FRMPD4: variants seen among roughly 807,000 people sequenced by gnomAD.
FRMPD4 encodes FERM and PDZ domain-containing protein 4.
In FRMPD4, 22 loss-of-function variants were observed where a neutral mutation model predicts 94.1. The observed-to-expected ratio is 0.23, with a 90% CI of 0.17 to 0.33. The LOEUF is 0.33. Ranked by LOEUF, FRMPD4 falls within the 10% of genes least tolerant of loss-of-function variation. FRMPD4 has a pLI of 1.00. For missense variants in FRMPD4, 1,111 were observed against 1,339.9 expected (o/e 0.83, Z 2.67); for synonymous variants, 631 against 548.6 (o/e 1.15, Z -2.10).
intron 1 of FRMPD4, among the ~76,000 whole-genome samples, chrX:12,388,402 C>T (rs931607506): frequency 2.7e-5 from 3 of 110,642 alleles, no homozygotes; most frequent in Admixed American, 1.9e-4. Flanking sequence ...GTCAGGAGTT[C>T]GAGACCAGCC....
intron 3 of FRMPD4, among the ~76,000 whole-genome samples, chrX:11,934,858 A>C (rs1417013776): frequency 6.3e-5 from 7 of 110,523 alleles, no homozygotes; most frequent in Admixed American, 9.7e-5. Flanking sequence ...TATTCAAGAC[A>C]AGATCGTTTT....
chrX:12,597,279 AATAAAC>A (rs1303667651), intron 2 of FRMPD4, among the ~76,000 whole-genome samples: 1 of 112,769 alleles, frequency 8.9e-6, no homozygotes, highest in Non-Finnish European at 1.9e-5. Context: ...AAGCACGGTC[AATAAAC>A]ATTTTGCCAG....
intron 3 of FRMPD4, among the ~76,000 whole-genome samples, chrX:11,883,764 A>G (rs1389964133): frequency 1.8e-5 from 2 of 112,189 alleles, no homozygotes; most frequent in African/African-American, 3.2e-5. Context: ...CAAAGGGCAT[A>G]TGGTTTGAAA....
chrX:12,171,805 AC>A (rs1380227817), intron 1 of FRMPD4, among the ~76,000 whole-genome samples: 3 of 112,000 alleles, frequency 2.7e-5, no homozygotes, highest in Non-Finnish European at 5.6e-5. Flanking sequence ...ATCAACGGCT[AC>A]CAGAGACTTG....
At position 12,717,893 on chromosome X, in the gene FRMPD4, T is replaced by C. The variant is rs143929343; in HGVS notation, c.3067T>C (p.Cys1023Arg). 200 of 1,210,161 alleles carry C rather than the reference T, an allele frequency of 1.7e-4. No homozygotes were observed. Among genetic ancestry groups the C allele is most frequent in the Non-Finnish European group, 2.2e-4 (196 of 895,093 alleles). Residue 1023 changes from cysteine to arginine, a missense_variant, in exon 16 of 17, where the codon TGC (cysteine) becomes CGC (arginine). Cys to Arg is a radical substitution (Grantham distance 180, BLOSUM62 -3). Coordinates refer to ENST00000675598, the MANE Select transcript of FRMPD4 (RefSeq NM_001368397.1). ...GCACATGGGGTCGGTGGCATACTCC[T>C]GCACTAGCAAAAGGAAAAGCAAGCT... is the stretch of plus-strand genomic sequence containing the variant. ...KLHMGSVAYS[C>R]TSKRKSKLAD... is the part of the protein sequence containing the mutation.
At chrX:12,490,092 C>G (rs2057777386) in intron 1 of FRMPD4, among the ~76,000 whole-genome samples, 1 of 111,400 alleles carries the variant, frequency 9.0e-6, no homozygotes, top group South Asian at 3.8e-4. Context: ...AGAAATAGAG[C>G]TCTCAGACTA....
chrX:11,870,663 G>C (rs746046110), intron 2 of FRMPD4, among the ~76,000 whole-genome samples: 2 of 111,636 alleles, frequency 1.8e-5, no homozygotes, highest in South Asian at 7.7e-4. Context: ...TTGGGATATA[G>C]AATGGGAGGA....
intron 1 of FRMPD4, among the ~76,000 whole-genome samples, chrX:12,151,885 A>T (rs2055856255): frequency 8.9e-6 from 1 of 112,115 alleles, no homozygotes; most frequent in Admixed American, 9.5e-5. Flanking sequence ...TTTGGATTTC[A>T]TGGGCAGATT....
At chrX:12,663,454 C>T (rs2059739966) in intron 4 of FRMPD4, among the ~76,000 whole-genome samples, 1 of 112,141 alleles carries the variant, frequency 8.9e-6, no homozygotes, top group Admixed American at 9.4e-5. Flanking sequence ...ATAGGGAATC[C>T]TTTCCCCATT....
intron 1 of FRMPD4, among the ~76,000 whole-genome samples, chrX:12,236,421 C>T (rs780554348): frequency 7.9e-4 from 88 of 111,307 alleles, no homozygotes; most frequent in African/African-American, 2.4e-3. Flanking sequence ...TGGGAGAGTT[C>T]GGGATCAAAT....
intron 1 of FRMPD4, among the ~76,000 whole-genome samples, chrX:12,376,557 C>T (rs1270021106): frequency 8.9e-6 from 1 of 112,407 alleles, no homozygotes; most frequent in Non-Finnish European, 1.9e-5. Context: ...AACCAGATTT[C>T]CCATTGACTC....
chrX:12,335,047 T>C (rs1166034739), intron 1 of FRMPD4, among the ~76,000 whole-genome samples: 1 of 111,274 alleles, frequency 9.0e-6, no homozygotes, highest in Non-Finnish European at 1.9e-5. Context: ...ACTCAAGGAG[T>C]TGTTGGTTTC....
intron 3 of FRMPD4, among the ~76,000 whole-genome samples, chrX:11,991,683 A>G (rs1034112301): frequency 1.8e-5 from 2 of 112,153 alleles, no homozygotes; most frequent in African/African-American, 6.5e-5. Context: ...TGCTTTGAGC[A>G]GTAGGATAAC....
chrX:11,833,783 T>C (rs1268153169), intron 1 of FRMPD4, among the ~76,000 whole-genome samples: 1 of 111,725 alleles, frequency 9.0e-6, no homozygotes, highest in Non-Finnish European at 1.9e-5. Context: ...TTGGAGCATG[T>C]GATTGAGCTC....
intron 5 of FRMPD4, among the ~76,000 whole-genome samples, chrX:12,680,506 A>G (rs2059959872): frequency 8.9e-6 from 1 of 112,516 alleles, no homozygotes; most frequent in South Asian, 3.7e-4. Context: ...ATTCTCATTA[A>G]GTAGCCTTCA....
chrX:11,895,263 C>T lies in FRMPD4; in HGVS notation c.95+17245C>T, dbSNP rs187930136. On this transcript the variant is annotated intron_variant, in intron 3 of 18. Transcript: ENST00000640291. ...ACTAGATGCCAGTAGCAAGTTACAACGCCATCAAGTTGTAACAACAAAGAT... is the reference window on the plus strand; with the variant it reads ...ACTAGATGCCAGTAGCAAGTTACAATGCCATCAAGTTGTAACAACAAAGAT... 4.3e-4 allele frequency among the ~76,000 whole-genome samples: 48 copies of T among 111,651 alleles called. No individual in the cohort carries two copies. The East Asian group carries it at 4.5e-3, about 10-fold the overall frequency.
rs2042088903 is a variant in FRMPD4, at chrX:12,716,615, T to C, written c.2156T>C (p.Ile719Thr). 11 of 1,211,405 alleles carry C rather than the reference T, an allele frequency of 9.1e-6. No homozygotes were observed. Among genetic ancestry groups the C allele is most frequent in the Non-Finnish European group, 1.2e-5 (11 of 895,248 alleles). Reference protein sequence around the residue: ...QFVENSVYANIGDVKSFQAAE... With the variant: ...QFVENSVYANTGDVKSFQAAE... The stretch of plus-strand genomic sequence containing the variant: ...GTGGAAAATTCTGTTTATGCAAACA[T>C]AGGCGATGTGAAGAGCTTCCAGGCC... Residue 719 changes from isoleucine to threonine, a missense_variant, in exon 15 of 17, where the codon ATA (isoleucine) becomes ACA (threonine). By Grantham distance (89) the Ile-to-Thr change is moderately conservative (BLOSUM62 -1). Coordinates refer to ENST00000675598, the MANE Select transcript of FRMPD4 (RefSeq NM_001368397.1).
At chrX:12,320,084 G>A (rs2055185173) in intron 1 of FRMPD4, among the ~76,000 whole-genome samples, 1 of 112,003 alleles carries the variant, frequency 8.9e-6, no homozygotes, top group South Asian at 3.7e-4. Context: ...CATTTATAAA[G>A]CATTTAGTAT....
chrX:12,193,142 T>C (rs760101643), intron 1 of FRMPD4, among the ~76,000 whole-genome samples: 1 of 111,561 alleles, frequency 9.0e-6, no homozygotes, highest in East Asian at 2.8e-4. Context: ...GGGAACTTTT[T>C]CTGCCTGGTT....
Sources: allele counts gnomAD v4.1 joint callset (sites outside exome capture counted in the v4.1 genomes callset), GRCh38; gene constraint gnomAD v4.1.1; transcripts MANE v1.5; gene names NCBI Gene and HGNC (gene_info 2026-07-23, HGNC 2026-07-21).